Variants in CADPS2 observed in about 807,000 individuals in gnomAD.
CADPS2 encodes the protein calcium-dependent secretion activator 2.
CADPS2 carries 93 observed loss-of-function variants against 172.5 expected under a neutral mutation model. That is an observed-to-expected ratio of 0.54 (90% CI 0.46 to 0.64). The LOEUF is 0.64. CADPS2 is among the 30% of genes least tolerant of loss of function. The pLI, the probability that CADPS2 is intolerant of heterozygous loss-of-function variation, is 0.00. For missense variants in CADPS2, 1,420 were observed against 1,565.9 expected (o/e 0.91, Z 1.57); for synonymous variants, 546 against 555.2 (o/e 0.98, Z 0.23).
intron 27 of CADPS2, among the ~76,000 whole-genome samples, chr7:122,359,292 T>C (rs2039824738): frequency 6.6e-6 from 1 of 152,018 alleles, no homozygotes; most frequent in Non-Finnish European, 1.5e-5. Flanking sequence ...ATACAGAATT[T>C]CAACTCATAA....
At chr7:122,531,637 G>T (rs1342735354) in intron 8 of CADPS2, among the ~76,000 whole-genome samples, 1 of 152,120 alleles carries the variant, frequency 6.6e-6, no homozygotes, top group Non-Finnish European at 1.5e-5. Context: ...ATAACGATTG[G>T]TTTCCTAATT....
intron 1 of CADPS2, among the ~76,000 whole-genome samples, chr7:122,830,269 A>G (rs968383715): frequency 1.3e-5 from 2 of 152,192 alleles, no homozygotes; most frequent in Non-Finnish European, 2.9e-5. Context: ...AGGCAAAATA[A>G]ATGTCAAATC....
chr7:122,542,331 T>A (rs1291440501), intron 8 of CADPS2, among the ~76,000 whole-genome samples: 1 of 152,134 alleles, frequency 6.6e-6, no homozygotes, highest in Non-Finnish European at 1.5e-5. Context: ...ATTTCATTAT[T>A]CATATATATT....
At chr7:122,697,959 T>C (rs780134301) in intron 2 of CADPS2, 2 of 1,613,684 alleles carry the variant, frequency 1.2e-6, no homozygotes, top group African/African-American at 1.3e-5. Flanking sequence ...CATTTGACAT[T>C]AGAACTTGCA....
intron 28 of CADPS2, among the ~76,000 whole-genome samples, chr7:122,329,782 T>A (rs992555273): frequency 7.2e-5 from 11 of 152,164 alleles, no homozygotes; most frequent in African/African-American, 2.7e-4. Context: ...TACATACTAA[T>A]GCACAATGCC....
intron 2 of CADPS2, among the ~76,000 whole-genome samples, chr7:122,716,911 C>T (rs117113250): frequency 0.016 from 2,434 of 152,154 alleles, 25 homozygotes; most frequent in Non-Finnish European, 0.023. Flanking sequence ...GGGGTTTTGT[C>T]CCTACTTGCA....
intron 6 of CADPS2, among the ~76,000 whole-genome samples, chr7:122,596,714 CAAT>C (rs2071852721): frequency 6.6e-6 from 1 of 152,046 alleles, no homozygotes; most frequent in Non-Finnish European, 1.5e-5. Flanking sequence ...AGACAGAAGA[CAAT>C]GATGTGCAGA....
chr7:122,326,669 C>T (rs1054521773), intron 28 of CADPS2, among the ~76,000 whole-genome samples: 9 of 150,648 alleles, frequency 6.0e-5, no homozygotes, highest in East Asian at 1.9e-4. Flanking sequence ...ATTTAAACAC[C>T]GAAAAAAAAT....
chr7:122,491,348 C>G lies in CADPS2; in HGVS notation c.1615G>C (p.Glu539Gln). 1 of 1,611,640 alleles carries G rather than the reference C, an allele frequency of 6.2e-7. No homozygotes were observed. Residue 539 changes from glutamate (E) to glutamine (Q), a missense_variant, in exon 10 of 30, where the codon GAA becomes CAA. By Grantham distance (29) the Glu-to-Gln change is conservative. Transcript: ENST00000449022. ...KSEPQELMQL[E>Q]GYTVDYTDPH... Reference sequence around the variant, plus strand: ...TCGGTATAATCCACAGTATAGCCTTCAAGCTGCATTAATTCTTGTGGTTCA... The same window carrying G: ...TCGGTATAATCCACAGTATAGCCTTGAAGCTGCATTAATTCTTGTGGTTCA...
chr7:122,810,062 G>A (rs189417169), intron 1 of CADPS2, among the ~76,000 whole-genome samples: 3 of 152,008 alleles, frequency 2.0e-5, no homozygotes, highest in Non-Finnish European at 4.4e-5. Context: ...TGCAGTAGAG[G>A]ACCTGATTAA....
chr7:122,760,330 C>T (rs2093335859), intron 1 of CADPS2, among the ~76,000 whole-genome samples: 1 of 151,926 alleles, frequency 6.6e-6, no homozygotes, highest in Non-Finnish European at 1.5e-5. Context: ...TAGATATAGT[C>T]AACTAATTCA....
chr7:122,570,438 C>G (rs1453003763), intron 7 of CADPS2, among the ~76,000 whole-genome samples: 1 of 147,136 alleles, frequency 6.8e-6, no homozygotes, highest in Non-Finnish European at 1.5e-5. Context: ...GTTGGTGGGA[C>G]TGTAAACTAG....
chr7:122,363,353 C>A lies in CADPS2; in HGVS notation c.3388-2340G>T, dbSNP rs555456518. Among the ~76,000 whole-genome samples, 9 of 152,256 alleles carry A rather than the reference C, an allele frequency of 5.9e-5. No individual in the cohort carries two copies. In the South Asian group the frequency reaches 1.9e-3, roughly 32 times the overall value. On this transcript the variant is annotated intron_variant, in intron 25 of 29. Coordinates refer to ENST00000449022, the MANE Select transcript of CADPS2 (RefSeq NM_017954.11). ...TTGAACCATGGAGGCTGTAGCCCAG[C>A]ACCTGATTCTTGGTGCTTGCTAGTG...
In CADPS2 at chr7:122,702,407, T is replaced by C. The variant is rs575151761; in HGVS notation, c.453+34548A>G. Reference sequence around the variant, plus strand: ...TCCCTTCTCTGCTGCCACGTTGATTTTATGTGTAAAAGTACAGCCTCCACG... The same window carrying C: ...TCCCTTCTCTGCTGCCACGTTGATTCTATGTGTAAAAGTACAGCCTCCACG... On this transcript the variant is annotated intron_variant, in intron 2 of 29. Transcript: ENST00000449022. 34 of 1,613,664 alleles carry C rather than the reference T, an allele frequency of 2.1e-5. No homozygotes were observed. In the South Asian group the frequency reaches 3.3e-4, roughly 16 times the overall value.
intron 3 of CADPS2, among the ~76,000 whole-genome samples, chr7:122,646,667 T>C (rs907555092): frequency 6.6e-6 from 1 of 152,144 alleles, no homozygotes; most frequent in Non-Finnish European, 1.5e-5. Context: ...GAAATGCAGA[T>C]GGGGCCACAC....
intron 20 of CADPS2, among the ~76,000 whole-genome samples, chr7:122,400,816 T>C (rs1259129611): frequency 2.6e-5 from 4 of 152,246 alleles, no homozygotes; most frequent in Non-Finnish European, 5.9e-5. Context: ...GAACAGCTCA[T>C]TTAAGCACTT....
At chr7:122,605,002 T>C (rs1201894492) in intron 6 of CADPS2, among the ~76,000 whole-genome samples, 1 of 152,106 alleles carries the variant, frequency 6.6e-6, no homozygotes, top group East Asian at 1.9e-4. Flanking sequence ...AGCCAATTGC[T>C]CCTGGGCTAC....
chr7:122,504,056 T>G (rs2059426367), intron 9 of CADPS2, among the ~76,000 whole-genome samples: 1 of 152,222 alleles, frequency 6.6e-6, no homozygotes, highest in African/African-American at 2.4e-5. Context: ...CAATCTGCTA[T>G]GTCAAATGCA....
chr7:122,527,634 G>GTT (rs1586873958), intron 8 of CADPS2, among the ~76,000 whole-genome samples: 1 of 150,944 alleles, frequency 6.6e-6, no homozygotes, highest in East Asian at 2.0e-4. Flanking sequence ...GTGTGTGTGT[G>GTT]TGTGTGTGTG....
Sources: gnomAD v4.1 joint callset for allele counts (sites outside exome capture counted in the v4.1 genomes callset) on GRCh38, gnomAD v4.1.1 for gene constraint, MANE v1.5 for transcripts, NCBI Gene and HGNC (gene_info 2026-07-23, HGNC 2026-07-21) for gene names.